CNTNAP5: variants seen among roughly 807,000 people sequenced by gnomAD.
The protein encoded by CNTNAP5 is contactin-associated protein-like 5.
In CNTNAP5, 72 loss-of-function variants were observed where a neutral mutation model predicts 150.2. The observed-to-expected ratio is 0.48, with a 90% confidence interval of 0.40 to 0.58. The LOEUF (loss-of-function observed/expected upper bound fraction) is 0.58. Among genes scored for constraint, CNTNAP5 ranks in the 20% least tolerant of loss-of-function variants. CNTNAP5 has a pLI of 0.00. For synonymous variants in CNTNAP5, 672 were observed against 619.8 expected (o/e 1.08, Z -1.25); for missense variants, 1,636 against 1,626.2 (o/e 1.01, Z -0.10).
At chr2:124,463,671 C>G (rs1693307226) in intron 6 of CNTNAP5, among the ~76,000 whole-genome samples, 3 of 152,084 alleles carry the variant, frequency 2.0e-5, no homozygotes, top group Admixed American at 6.6e-5. Context: ...GCCAGGTTTC[C>G]CAGAATGGAG....
intron 3 of CNTNAP5, among the ~76,000 whole-genome samples, chr2:124,248,525 A>G (rs2104776487): frequency 6.6e-6 from 1 of 152,342 alleles, no homozygotes; most frequent in Non-Finnish European, 1.5e-5. Context: ...CTGGCCAATC[A>G]GCATTGTGAA....
intron 11 of CNTNAP5, among the ~76,000 whole-genome samples, chr2:124,570,894 TCTCA>T (rs758252095): frequency 6.6e-6 from 1 of 152,204 alleles, no homozygotes; most frequent in Non-Finnish European, 1.5e-5. Flanking sequence ...CTGAGGTCTG[TCTCA>T]CTCTGACAGC....
At chr2:124,211,758 A>G (rs1686019338) in intron 1 of CNTNAP5, among the ~76,000 whole-genome samples, 1 of 152,182 alleles carries the variant, frequency 6.6e-6, no homozygotes, top group African/African-American at 2.4e-5. Flanking sequence ...CTAATCAGGC[A>G]TTTTCCTAAG....
chr2:124,470,125 C>T (rs189580504), intron 6 of CNTNAP5, among the ~76,000 whole-genome samples: 121 of 152,186 alleles, frequency 8.0e-4, no homozygotes, highest in Admixed American at 3.9e-3. Context: ...ACCCATCTGC[C>T]TCTAGGTCTT....
chr2:124,847,261 G>A (rs575026512), intron 19 of CNTNAP5, among the ~76,000 whole-genome samples: 1 of 152,284 alleles, frequency 6.6e-6, no homozygotes, highest in East Asian at 1.9e-4. Flanking sequence ...TCTGAGTTCA[G>A]CCTCTCTTTG....
chr2:124,209,721 C>T (rs1685957245), intron 1 of CNTNAP5, among the ~76,000 whole-genome samples: 1 of 152,088 alleles, frequency 6.6e-6, no homozygotes, highest in Non-Finnish European at 1.5e-5. Flanking sequence ...TCAAAGAGCT[C>T]AAGGACCTGT....
At chr2:124,042,665 A>T (rs1358650928) in intron 1 of CNTNAP5, among the ~76,000 whole-genome samples, 3 of 152,218 alleles carry the variant, frequency 2.0e-5, no homozygotes, top group Non-Finnish European at 4.4e-5. Flanking sequence ...TGGTCAGGAC[A>T]TCTTTTGGCA....
At chr2:124,674,421 C>T (rs1285384284) in intron 13 of CNTNAP5, among the ~76,000 whole-genome samples, 1 of 143,860 alleles carries the variant, frequency 7.0e-6, no homozygotes, top group Non-Finnish European at 1.5e-5. Flanking sequence ...CCCTCCCTCC[C>T]TCCTCCTCTC....
In CNTNAP5 at chr2:124,524,328, G is replaced by A; in HGVS notation, c.1353G>A (p.Trp451Ter). 1 of 1,613,794 alleles carries A rather than the reference G, an allele frequency of 6.2e-7. No individual in the cohort carries two copies. The highest frequency in any genetic ancestry group is 8.5e-7 in the Non-Finnish European group (1 of 1,179,808). Residue 451 changes from tryptophan (W) to a stop codon, truncating the protein, a stop_gained, in exon 9 of 24, where the codon TGG becomes TGA. Transcript: ENST00000682447. LOFTEE classifies it high-confidence loss of function. The part of the protein sequence containing the change: ...LTGSNLNDGL[W>*]HSVSINARRN... ...GCAGCAACTTGAATGATGGCCTGTG[G>A]CACTCGGTTAGCATCAACGCCAGGA...
chr2:124,575,648 T>G (rs1435878776), intron 11 of CNTNAP5, among the ~76,000 whole-genome samples: 1 of 152,214 alleles, frequency 6.6e-6, no homozygotes, highest in Non-Finnish European at 1.5e-5. Flanking sequence ...TAGTATCACC[T>G]CCACGTATAC....
chr2:124,209,399 C>T (rs901928835), intron 1 of CNTNAP5, among the ~76,000 whole-genome samples: 2 of 152,100 alleles, frequency 1.3e-5, no homozygotes, highest in Non-Finnish European at 2.9e-5. Context: ...TTGCAAAGCT[C>T]AAATAAAGAA....
intron 13 of CNTNAP5, among the ~76,000 whole-genome samples, chr2:124,704,542 A>G (rs1210226430): frequency 6.6e-6 from 1 of 152,230 alleles, no homozygotes; most frequent in Admixed American, 6.5e-5. Flanking sequence ...AATGTGTTAT[A>G]TCATAGGGAA....
intron 1 of CNTNAP5, among the ~76,000 whole-genome samples, chr2:124,174,883 A>G (rs1685023785): frequency 6.6e-6 from 1 of 152,176 alleles, no homozygotes; most frequent in Non-Finnish European, 1.5e-5. Flanking sequence ...CAGCCATCCT[A>G]ATCTTCAACA....
At chr2:124,126,647 G>A (rs185778997) in intron 1 of CNTNAP5, among the ~76,000 whole-genome samples, 144 of 152,224 alleles carry the variant, frequency 9.5e-4, no homozygotes, top group Non-Finnish European at 1.6e-3. Flanking sequence ...GAACATCAAC[G>A]CAAAATTCCT....
chr2:124,558,147 G>A (rs1383717011), intron 10 of CNTNAP5, among the ~76,000 whole-genome samples: 1 of 152,180 alleles, frequency 6.6e-6, no homozygotes, highest in Non-Finnish European at 1.5e-5. Context: ...ATGGAAGCTG[G>A]GAGACCAGTT....
At chr2:124,842,986 G>T (rs1279562709) in intron 19 of CNTNAP5, among the ~76,000 whole-genome samples, 1 of 151,980 alleles carries the variant, frequency 6.6e-6, no homozygotes. Flanking sequence ...TGATTTCCGA[G>T]ATTTTGGTGC....
chr2:124,678,944 G>A (rs1679003244), intron 13 of CNTNAP5, among the ~76,000 whole-genome samples: 1 of 151,944 alleles, frequency 6.6e-6, no homozygotes, highest in Admixed American at 6.7e-5. Context: ...TGTTTATGAA[G>A]TAAAGTCAAC....
chr2:124,884,929 A>T (rs1462642257), intron 21 of CNTNAP5, among the ~76,000 whole-genome samples: 1 of 152,090 alleles, frequency 6.6e-6, no homozygotes, highest in Non-Finnish European at 1.5e-5. Flanking sequence ...TTGCGAGAGA[A>T]TTGCTGTGAA....
At position 124,278,257 on chromosome 2, in the gene CNTNAP5, C is replaced by T. The variant is rs554291974; in HGVS notation, c.381+35864C>T. 8.5e-5 allele frequency among the ~76,000 whole-genome samples: 13 copies of T among 152,174 alleles called. No individual in the cohort carries two copies. In the South Asian group the frequency reaches 2.7e-3, roughly 32 times the overall value. On this transcript the variant is annotated intron_variant, in intron 3 of 23. Transcript: ENST00000682447. Reference sequence around the variant, plus strand: ...CATAATAAGATATAAGCAGATTCTACTCATTTAATTAATTTCTACCAAAAG... The same window carrying T: ...CATAATAAGATATAAGCAGATTCTATTCATTTAATTAATTTCTACCAAAAG...
Sources: gnomAD v4.1 joint callset for allele counts (sites outside exome capture counted in the v4.1 genomes callset) on GRCh38, gnomAD v4.1.1 for gene constraint, MANE v1.5 for transcripts, NCBI Gene and HGNC (gene_info 2026-07-23, HGNC 2026-07-21) for gene names.